Variants in SLC25A48 observed in about 807,000 individuals in gnomAD.
SLC25A48 encodes the protein CTC-321K16.1.
Under a neutral mutation model 32.2 loss-of-function variants are expected in SLC25A48, and 29 were observed. The ratio of observed to expected loss-of-function variants is 0.90; its 90% CI spans 0.67 to 1.23. The LOEUF (loss-of-function observed/expected upper bound fraction) is 1.23. Ranked by LOEUF, SLC25A48 falls within the 50% of genes most tolerant of loss-of-function variation. SLC25A48 has a pLI of 0.00. For missense variants in SLC25A48, 399 were observed against 422.7 expected (o/e 0.94, Z 0.49); for synonymous variants, 164 against 172.3 (o/e 0.95, Z 0.38).
intron 1 of SLC25A48, among the ~76,000 whole-genome samples, chr5:135,580,206 T>A (rs935912342): frequency 5.9e-5 from 9 of 152,210 alleles, no homozygotes; most frequent in African/African-American, 2.2e-4. Flanking sequence ...AGCAGGTGAC[T>A]AGGCCAGGAG....
chr5:135,704,246 A>T (rs756091654), intron 3 of SLC25A48, among the ~76,000 whole-genome samples: 3 of 152,204 alleles, frequency 2.0e-5, no homozygotes, highest in Non-Finnish European at 4.4e-5. Flanking sequence ...CTGGTGGCAA[A>T]TCAGACTAAA....
intron 3 of SLC25A48, among the ~76,000 whole-genome samples, chr5:135,641,927 T>C (rs1752847853): frequency 6.6e-6 from 1 of 152,242 alleles, no homozygotes; most frequent in Non-Finnish European, 1.5e-5. Context: ...GGGCATTTCA[T>C]ATAGCCTCAG....
At chr5:135,646,836 A>C (rs1042282844) in intron 3 of SLC25A48, among the ~76,000 whole-genome samples, 2 of 151,470 alleles carry the variant, frequency 1.3e-5, no homozygotes, top group African/African-American at 4.8e-5. Context: ...AAATGGGAAG[A>C]TGTTGATCTA....
At chr5:135,698,609 T>C (rs1306195172) in intron 3 of SLC25A48, among the ~76,000 whole-genome samples, 1 of 151,950 alleles carries the variant, frequency 6.6e-6, no homozygotes, top group Non-Finnish European at 1.5e-5. Flanking sequence ...AAAAAGATAT[T>C]GGAAAGAATA....
chr5:135,612,949 G>A (rs962491460), intron 1 of SLC25A48, among the ~76,000 whole-genome samples: 1 of 152,304 alleles, frequency 6.6e-6, no homozygotes, highest in African/African-American at 2.4e-5. Flanking sequence ...TAGTTGGATT[G>A]CTGAATTATA....
At chr5:135,837,499 A>C (rs6890039) in intron 1 of SLC25A48, among the ~76,000 whole-genome samples, 28,404 of 152,194 alleles carry the variant, frequency 0.19, 2,792 homozygotes, top group Middle Eastern at 0.25. Context: ...TAACTGCTGC[A>C]ACAAGGCTGA....
chr5:135,866,408 T>A (rs1419156733), intron 4 of SLC25A48, among the ~76,000 whole-genome samples: 1 of 152,216 alleles, frequency 6.6e-6, no homozygotes, highest in Non-Finnish European at 1.5e-5. Context: ...CATCTTTGTG[T>A]TTGTGTCTGA....
At chr5:135,698,908 T>C (rs2126964399) in intron 3 of SLC25A48, among the ~76,000 whole-genome samples, 1 of 152,314 alleles carries the variant, frequency 6.6e-6, no homozygotes, top group South Asian at 2.1e-4. Context: ...CAAAGGAAGA[T>C]ATGTGAATGG....
chr5:135,703,427 A>G (rs1754437724), intron 3 of SLC25A48, among the ~76,000 whole-genome samples: 1 of 152,200 alleles, frequency 6.6e-6, no homozygotes, highest in Non-Finnish European at 1.5e-5. Flanking sequence ...TGCAGATACC[A>G]AGGCCATACA....
At chr5:135,763,754 A>AACAC (rs747888245) in intron 3 of SLC25A48, among the ~76,000 whole-genome samples, 18,148 of 145,850 alleles carry the variant, frequency 0.12, 1,207 homozygotes, top group Non-Finnish European at 0.16. Flanking sequence ...GAGAAATAGG[A>AACAC]ACACACACAT....
At chr5:135,733,090 A>G (rs972001364) in intron 3 of SLC25A48, among the ~76,000 whole-genome samples, 2 of 152,254 alleles carry the variant, frequency 1.3e-5, no homozygotes, top group Non-Finnish European at 2.9e-5. Context: ...ATTTAGAGTC[A>G]GTATAAATAT....
intron 3 of SLC25A48, among the ~76,000 whole-genome samples, chr5:135,798,431 G>A (rs1015166956): frequency 6.6e-6 from 1 of 151,630 alleles, no homozygotes; most frequent in Non-Finnish European, 1.5e-5. Flanking sequence ...ATATCCAGAA[G>A]GGGAGAAAAT....
intron 1 of SLC25A48, among the ~76,000 whole-genome samples, chr5:135,602,777 C>T (rs557693957): frequency 1.3e-5 from 2 of 152,240 alleles, no homozygotes; most frequent in African/African-American, 2.4e-5. Flanking sequence ...CCCCACCCCA[C>T]GACAGGCCCT....
intron 4 of SLC25A48, chr5:135,826,791 C>A (rs531872749): frequency 3.9e-5 from 6 of 152,364 alleles, no homozygotes; most frequent in African/African-American, 1.4e-4. Context: ...GGATTCACAC[C>A]AGCTCTGTCT....
chr5:135,842,505 G>A lies in SLC25A48; in HGVS notation c.90+46G>A, dbSNP rs372147328. On this transcript the variant is annotated intron_variant, in intron 2 of 7. Transcript: ENST00000681962. ...ATTACCTCTTAAAAAGAGGCATGGA[G>A]CTGACCTGCCTCTGGGACTATTCCT... The A allele has an allele frequency of 3.2e-6, 5 of 1,549,744 alleles. No individual in the cohort carries two copies. The African/African-American group carries it at 4.1e-5, about 13-fold the overall frequency.
At chr5:135,706,480 G>A (rs551535926) in intron 3 of SLC25A48, among the ~76,000 whole-genome samples, 5 of 152,126 alleles carry the variant, frequency 3.3e-5, no homozygotes, top group East Asian at 3.9e-4. Context: ...GGGATAAGAT[G>A]CACTTAGTAC....
chr5:135,646,179 G>A (rs887552288), intron 3 of SLC25A48, among the ~76,000 whole-genome samples: 1 of 152,184 alleles, frequency 6.6e-6, no homozygotes, highest in Non-Finnish European at 1.5e-5. Context: ...ATTTCCCGCT[G>A]GAAGGATTTG....
intron 3 of SLC25A48, among the ~76,000 whole-genome samples, chr5:135,727,465 T>G (rs907068423): frequency 6.6e-6 from 1 of 152,270 alleles, no homozygotes; most frequent in Admixed American, 6.5e-5. Flanking sequence ...GCTTTTGATG[T>G]CAAGTTGAAG....
At chr5:135,621,221 G>A (rs1444168953) in intron 1 of SLC25A48, among the ~76,000 whole-genome samples, 2 of 152,144 alleles carry the variant, frequency 1.3e-5, no homozygotes, top group East Asian at 3.8e-4. Flanking sequence ...ATATCTCTGG[G>A]CCTCAACTTT....
Sources: gnomAD v4.1 joint callset for allele counts (sites outside exome capture counted in the v4.1 genomes callset) on GRCh38, gnomAD v4.1.1 for gene constraint, MANE v1.5 for transcripts, NCBI Gene and HGNC (gene_info 2026-07-23, HGNC 2026-07-21) for gene names.